The following UGT1A10 variants were observed in gnomAD, a reference collection of about 807,000 sequenced individuals.
UGT1A10 encodes UDP glucuronosyltransferase family 1 member A10.
In UGT1A10, 49 loss-of-function variants were observed where a neutral mutation model predicts 45.8. That is an observed-to-expected ratio of 1.07 (90% CI 0.85 to 1.36). The LOEUF is 1.36. UGT1A10 is among the 40% of genes most tolerant of loss of function. The pLI, the probability that UGT1A10 is intolerant of heterozygous loss-of-function variation, is 0.00. For missense variants in UGT1A10, 745 were observed against 668.6 expected (o/e 1.11, Z -1.26); for synonymous variants, 284 against 249.7 (o/e 1.14, Z -1.29).
chr2:233,667,534 G>C (rs868468469), intron 1 of UGT1A10, among the ~76,000 whole-genome samples: 1 of 152,142 alleles, frequency 6.6e-6, no homozygotes, highest in Non-Finnish European at 1.5e-5. Context: ...TGACAAATGG[G>C]ATCTCATTAA....
intron 1 of UGT1A10, among the ~76,000 whole-genome samples, chr2:233,764,945 G>GA (rs2126013513): frequency 6.6e-6 from 1 of 152,312 alleles, no homozygotes; most frequent in Non-Finnish European, 1.5e-5. Context: ...GAGTGGCGGG[G>GA]AGAGAGGGCT....
chr2:233,719,465 C>G (rs1204222582), intron 1 of UGT1A10: 1 of 1,613,994 alleles, frequency 6.2e-7, no homozygotes. Context: ...AGAACATGCT[C>G]TACCCTCTGG....
chr2:233,734,667 C>G (rs1395342717), intron 1 of UGT1A10, among the ~76,000 whole-genome samples: 1 of 152,100 alleles, frequency 6.6e-6, no homozygotes. Flanking sequence ...ATAAATTTCC[C>G]TCTACACACT....
chr2:233,742,429 C>T (rs1691973913), intron 1 of UGT1A10, among the ~76,000 whole-genome samples: 1 of 151,970 alleles, frequency 6.6e-6, no homozygotes, highest in Non-Finnish European at 1.5e-5. Flanking sequence ...AGCGGTTTTC[C>T]TCCCTGGGTG....
rs1176429614 is a variant in UGT1A10, at chr2:233,757,538, ATATATATATATATATATATATATG to A, written c.856-9488_856-9465del. Among the ~76,000 whole-genome samples, 814 of 109,752 alleles carry A rather than the reference ATATATATATATATATATATATATG, an allele frequency of 7.4e-3. 44 individuals carry two copies. The highest frequency in any genetic ancestry group is 0.034 in the African/African-American group (774 of 22,608). The allele number at this position is 109,752 out of a possible 152,430, so 72.0% of individuals were successfully genotyped here. ...AGCCAAAATCTTGCCTGTAAGGAAT[ATATATATATATATATATATATATG>A]TATATATGATATAGCTATAGTCTAA... On this transcript the variant is annotated intron_variant, in intron 1 of 4. Coordinates refer to ENST00000344644, the MANE Select transcript of UGT1A10 (RefSeq NM_019075.4).
chr2:233,720,322 A>G (rs1355455978), intron 1 of UGT1A10, among the ~76,000 whole-genome samples: 2 of 152,124 alleles, frequency 1.3e-5, no homozygotes, highest in African/African-American at 4.8e-5. Context: ...ATGTGGGGAC[A>G]TCGTAGAGTT....
Position 233,637,021 on chromosome 2 carries a change from G to T in UGT1A10, c.499G>T (p.Val167Phe), listed in dbSNP as rs201239672. The change falls in exon 1 of 5, where the codon GTC (valine) becomes TTC (phenylalanine). Residue 167 changes from valine to phenylalanine, a missense_variant. Transcript: ENST00000344644. ...VAKYFSLPSV[V>F]FTRGIFCHHL... is the part of the protein sequence containing the mutation. ...TAAATATTTCTCCCTCCCCTCTGTG[G>T]TCTTCACCAGGGGAATATTTTGCCA... 58 of 1,613,934 alleles carry T rather than the reference G, an allele frequency of 3.6e-5. 1 individual carries two copies. In the Admixed American group the frequency reaches 8.3e-4, roughly 23 times the overall value.
intron 1 of UGT1A10, chr2:233,689,841 A>C (rs531695215): frequency 2.2e-6 from 1 of 453,890 alleles, no homozygotes; most frequent in African/African-American, 2.0e-5. Flanking sequence ...ACTTTCTTGG[A>C]TATTGTTTTA....
At chr2:233,711,206 C>T (rs1343075112) in intron 1 of UGT1A10, among the ~76,000 whole-genome samples, 1 of 152,254 alleles carries the variant, frequency 6.6e-6, no homozygotes, top group African/African-American at 2.4e-5. Flanking sequence ...GTCCTGCTCT[C>T]CCCAGTGCTC....
intron 1 of UGT1A10, chr2:233,690,602 C>T (rs560704774): frequency 1.1e-5 from 14 of 1,288,534 alleles, no homozygotes; most frequent in Admixed American, 4.6e-5. Flanking sequence ...AAAAAAAAAT[C>T]GGCCTTTGCC....
At chr2:233,679,147 G>T (rs148218063) in intron 1 of UGT1A10, among the ~76,000 whole-genome samples, 90 of 152,284 alleles carry the variant, frequency 5.9e-4, no homozygotes, top group African/African-American at 2.1e-3. Context: ...GACTGAATTA[G>T]AGATGTTGGG....
At chr2:233,666,396 G>A (rs556515263) in intron 1 of UGT1A10, among the ~76,000 whole-genome samples, 3 of 152,234 alleles carry the variant, frequency 2.0e-5, no homozygotes, top group Admixed American at 2.0e-4. Context: ...CTATTTTAAC[G>A]GGATGTGGAT....
chr2:233,638,731 T>A (rs1239129998), intron 1 of UGT1A10, among the ~76,000 whole-genome samples: 1 of 152,208 alleles, frequency 6.6e-6, no homozygotes, highest in Non-Finnish European at 1.5e-5. Flanking sequence ...TCAGTAGACT[T>A]TGTAACACAG....
intron 1 of UGT1A10, chr2:233,682,916 T>C (rs2125525062): frequency 1.3e-6 from 2 of 1,487,110 alleles, no homozygotes; most frequent in Non-Finnish European, 1.8e-6. Context: ...GTTTAAGGAA[T>C]TCTTTTGTAC....
intron 1 of UGT1A10, among the ~76,000 whole-genome samples, chr2:233,658,653 G>C (rs1230434642): frequency 1.3e-5 from 2 of 152,140 alleles, no homozygotes; most frequent in East Asian, 3.9e-4. Context: ...GGGGTTATAG[G>C]TTTTAGGAAG....
At chr2:233,640,697 A>G (rs942635689) in intron 1 of UGT1A10, among the ~76,000 whole-genome samples, 7 of 152,230 alleles carry the variant, frequency 4.6e-5, no homozygotes, top group Admixed American at 1.3e-4. Context: ...ACCCTCCCCA[A>G]TTTAGGGGCC....
At chr2:233,745,380 C>A (rs531226985) in intron 1 of UGT1A10, among the ~76,000 whole-genome samples, 1 of 151,924 alleles carries the variant, frequency 6.6e-6, no homozygotes, top group East Asian at 1.9e-4. Flanking sequence ...GTTCTCTTCA[C>A]CTCCTTATTC....
intron 1 of UGT1A10, among the ~76,000 whole-genome samples, chr2:233,736,069 T>G (rs1320914506): frequency 6.6e-6 from 1 of 152,194 alleles, no homozygotes; most frequent in Non-Finnish European, 1.5e-5. Flanking sequence ...CTTGCTAGGT[T>G]TGGGAAGTTC....
intron 1 of UGT1A10, chr2:233,691,082 A>G (rs2075027745): frequency 1.0e-6 from 1 of 986,066 alleles, no homozygotes; most frequent in Admixed American, 6.1e-5. Context: ...TGAAGTTTGT[A>G]GCATCTCTTG....
Sources: allele counts gnomAD v4.1 joint callset (sites outside exome capture counted in the v4.1 genomes callset), GRCh38; gene constraint gnomAD v4.1.1; transcripts MANE v1.5; gene names NCBI Gene and HGNC (gene_info 2026-07-23, HGNC 2026-07-21).